ZNF610: variants seen among roughly 807,000 people sequenced by gnomAD.
ZNF610 encodes zinc finger protein 610.
ZNF610 carries 14 observed loss-of-function variants against 14.1 expected under a neutral mutation model. The observed-to-expected ratio is 0.99, with a 90% CI of 0.65 to 1.55. ZNF610 has a LOEUF of 1.55. ZNF610 is among the 40% of genes most tolerant of loss of function. ZNF610 has a pLI of 0.00. For missense variants in ZNF610, 530 were observed against 558.0 expected (o/e 0.95, Z 0.51); for synonymous variants, 185 against 187.6 (o/e 0.99, Z 0.11).
chr19:52,366,143 T>C lies in ZNF610; in HGVS notation c.765T>C (p.Thr255=). 1.2e-6 allele frequency: 2 copies of C among 1,613,816 alleles called. No homozygotes were observed. Among genetic ancestry groups the C allele is most frequent in the Non-Finnish European group, 8.5e-7 (1 of 1,179,826 alleles). The part of the protein sequence containing the change: ...SHLVEHWRIH[T]GQKPYKCSEC... ...TTGTAGAACATTGGAGAATTCATAC[T>C]GGACAGAAGCCTTACAAATGTAGTG... The change falls in exon 6 of 6, where the codon ACT becomes ACC. Residue 255 remains threonine, a synonymous_variant. Coordinates refer to ENST00000403906, the MANE Select transcript of ZNF610 (RefSeq NM_001161425.2).
At chr19:52,332,254 A>T (rs1037597393), upstream of ZNF610, among the ~76,000 whole-genome samples, 2 of 152,212 alleles carry the variant, frequency 1.3e-5, no homozygotes, top group Admixed American at 6.5e-5. The surrounding 1 kb of genome is among the most constrained non-coding windows in gnomAD (Gnocchi z 4.1). Context: ...AGCTCAGGTT[A>T]ATTTGCAGAC....
intron 5 of ZNF610, among the ~76,000 whole-genome samples, chr19:52,360,419 T>G (rs779312046): frequency 6.6e-6 from 1 of 152,250 alleles, no homozygotes; most frequent in South Asian, 2.1e-4. Context: ...CAGTCTTCCC[T>G]GGACACCAAG....
At chr19:52,342,613 G>A (rs1290426240) in intron 1 of ZNF610, among the ~76,000 whole-genome samples, 2 of 150,530 alleles carry the variant, frequency 1.3e-5, no homozygotes, top group African/African-American at 2.4e-5. Context: ...TCTGCCTCCC[G>A]GGTTCAAGTG....
intron 1 of ZNF610, among the ~76,000 whole-genome samples, chr19:52,338,926 C>CCCGCG (rs1010121441): frequency 3.1e-4 from 47 of 149,682 alleles, no homozygotes; most frequent in Admixed American, 2.9e-3. Flanking sequence ...AGGACCCGCG[C>CCCGCG]CGGCCCGGTC....
intron 3 of ZNF610, 79 bp downstream of exon 3, chr19:52,349,314 C>T: frequency 6.8e-7 from 1 of 1,462,746 alleles, no homozygotes; most frequent in Non-Finnish European, 9.5e-7. Context: ...CACGTTTGCT[C>T]ACACTCACCC....
At chr19:52,339,368 T>C (rs1024115551) in intron 1 of ZNF610, among the ~76,000 whole-genome samples, 1 of 151,980 alleles carries the variant, frequency 6.6e-6, no homozygotes, top group Admixed American at 6.5e-5. Flanking sequence ...AGGCCATATC[T>C]CAGGCTATCA....
At chr19:52,354,091 A>G (rs538690015) in intron 4 of ZNF610, among the ~76,000 whole-genome samples, 160 bp from the exon 5 acceptor site, 1 of 152,302 alleles carries the variant, frequency 6.6e-6, no homozygotes, top group East Asian at 1.9e-4. Flanking sequence ...CAGTGTCTAC[A>G]TATTGCATAT....
At chr19:52,345,984 G>A (rs993658552) in intron 1 of ZNF610, among the ~76,000 whole-genome samples, 9 of 150,282 alleles carry the variant, frequency 6.0e-5, no homozygotes, top group Admixed American at 2.0e-4. Context: ...GATTACAGGC[G>A]TGAGCCACTG....
chr19:52,357,427 CG>C (rs1985576704), intron 5 of ZNF610, among the ~76,000 whole-genome samples: 1 of 151,960 alleles, frequency 6.6e-6, no homozygotes, highest in African/African-American at 2.4e-5. Context: ...GGGCGGATCA[CG>C]AGGTCAGGAG....
chr19:52,333,124 AC>A (rs1984246929), upstream of ZNF610, among the ~76,000 whole-genome samples: 1 of 152,244 alleles, frequency 6.6e-6, no homozygotes, highest in African/African-American at 2.4e-5. Context: ...GACAGAGGAT[AC>A]ACTACAGCTA....
intron 5 of ZNF610, among the ~76,000 whole-genome samples, chr19:52,361,442 G>A (rs1372152847): frequency 6.6e-6 from 1 of 152,038 alleles, no homozygotes; most frequent in African/African-American, 2.4e-5. Context: ...CTCCCAAATT[G>A]CTGGGATTAC....
chr19:52,334,620 T>C (rs879107124), upstream of ZNF610, among the ~76,000 whole-genome samples: 6 of 152,098 alleles, frequency 3.9e-5, no homozygotes, highest in Admixed American at 3.9e-4. Context: ...TTGACAGTAG[T>C]AGAGACAGAA....
rs760303426 is a variant in ZNF610, at chr19:52,366,602, C to T, written c.1224C>T (p.Val408=). Residue 408 remains valine (V), a synonymous_variant, in exon 6 of 6, where the codon GTC becomes GTT. Transcript: ENST00000403906. ...ACAAATGTAATGAATGTGACAAAGT[C>T]TTTGGGCGCAAATTATACCTAACCA... ...KPYKCNECDK[V]FGRKLYLTNH... is the part of the protein sequence containing the mutation. The T allele has an allele frequency of 1.6e-5, 26 of 1,614,074 alleles. No individual in the cohort carries two copies. Among genetic ancestry groups the T allele is most frequent in the East Asian group, 2.2e-5 (1 of 44,884 alleles).
At chr19:52,346,142 G>C (rs951382727) in intron 1 of ZNF610, among the ~76,000 whole-genome samples, 1 of 151,246 alleles carries the variant, frequency 6.6e-6, no homozygotes, top group African/African-American at 2.5e-5. Flanking sequence ...GGGATTACAG[G>C]TGCCTGCCAC....
intron 5 of ZNF610, among the ~76,000 whole-genome samples, chr19:52,357,631 C>T (rs1253883464): frequency 2.7e-5 from 3 of 110,744 alleles, no homozygotes; most frequent in African/African-American, 3.7e-5. Context: ...GGAGATAGAG[C>T]GAGCCTCCAT....
intron 5 of ZNF610, among the ~76,000 whole-genome samples, chr19:52,363,789 G>C (rs10418954): frequency 0.016 from 2,495 of 152,204 alleles, 48 homozygotes; most frequent in African/African-American, 0.052. Flanking sequence ...ATAGGATTTA[G>C]TTGGATCCTG....
chr19:52,339,760 A>G (rs1984584337), intron 1 of ZNF610, among the ~76,000 whole-genome samples: 1 of 152,160 alleles, frequency 6.6e-6, no homozygotes, highest in Non-Finnish European at 1.5e-5. Context: ...CCTGGGTTCA[A>G]GTGATTCTCT....
intron 5 of ZNF610, among the ~76,000 whole-genome samples, chr19:52,357,492 A>C (rs1490088049): frequency 6.6e-6 from 1 of 151,934 alleles, no homozygotes; most frequent in Non-Finnish European, 1.5e-5. Flanking sequence ...AAAAATACAA[A>C]AAATTAGCCG....
At chr19:52,355,034 A>G (rs2560977) in intron 5 of ZNF610, among the ~76,000 whole-genome samples, 6,980 of 152,124 alleles carry the variant, frequency 0.046, 459 homozygotes, top group African/African-American at 0.15. Context: ...TCATCTTTTC[A>G]CCCTCGAGTG....
Sources: allele counts gnomAD v4.1 joint callset (sites outside exome capture counted in the v4.1 genomes callset), GRCh38; gene constraint gnomAD v4.1.1; non-coding constraint Gnocchi (gnomAD v3.1); transcripts MANE v1.5; gene names NCBI Gene and HGNC (gene_info 2026-07-23, HGNC 2026-07-21).